Variants in EYS observed in about 807,000 individuals in gnomAD.
EYS encodes protein eyes shut homolog.
In EYS, 250 loss-of-function variants were observed where a neutral mutation model predicts 282.1. That is an observed-to-expected ratio of 0.89 (90% CI 0.80 to 0.98). EYS has a LOEUF of 0.98. EYS is among the 50% of genes least tolerant of loss of function. The pLI, the probability that EYS is intolerant of heterozygous loss-of-function variation, is 0.00. For missense variants in EYS, 4,016 were observed against 3,709.0 expected, an observed-to-expected ratio of 1.08 and a Z score of -2.15; for synonymous variants, 1,355 against 1,282.9, an observed-to-expected ratio of 1.06 and a Z score of -1.20.
chr6:64,640,285 C>T (rs1441877118), intron 22 of EYS, among the ~76,000 whole-genome samples: 1 of 148,998 alleles, frequency 6.7e-6, no homozygotes, highest in Non-Finnish European at 1.5e-5. Flanking sequence ...TTTATTGCGG[C>T]ACTATTCACA....
chr6:64,169,897 A>T (rs973186020), intron 31 of EYS, among the ~76,000 whole-genome samples: 16 of 152,162 alleles, frequency 1.1e-4, no homozygotes, highest in Admixed American at 6.6e-5. Context: ...TGTAAGGAAG[A>T]AGGAATTGAA....
chr6:64,801,033 T>A lies in EYS; in HGVS notation c.3443+12345A>T, dbSNP rs1774531702. On this transcript the variant is annotated intron_variant, in intron 22 of 42. Coordinates refer to ENST00000503581, the MANE Select transcript of EYS (RefSeq NM_001142800.2). ...GTCTTTCTAAATAATGAGAAGTTTA[T>A]CTCATTGTTTCTTTTAACTAATTCT... is the stretch of plus-strand genomic sequence containing the variant. 3.3e-5 allele frequency among the ~76,000 whole-genome samples: 5 copies of A among 152,162 alleles called. No individual in the cohort carries two copies. In the South Asian group the frequency reaches 1.0e-3, roughly 32 times the overall value.
chr6:64,148,300 A>C (rs931684469), intron 31 of EYS, among the ~76,000 whole-genome samples: 9 of 152,128 alleles, frequency 5.9e-5, no homozygotes, highest in African/African-American at 2.2e-4. Flanking sequence ...ATCATTGCTA[A>C]GTTTTGTTAT....
At chr6:64,086,280 A>G (rs1772154555) in intron 31 of EYS, among the ~76,000 whole-genome samples, 1 of 151,968 alleles carries the variant, frequency 6.6e-6, no homozygotes. Context: ...TGCTACCACA[A>G]CCCTTTAAGT....
intron 31 of EYS, among the ~76,000 whole-genome samples, chr6:64,185,022 T>C (rs965622086): frequency 3.3e-5 from 5 of 152,014 alleles, no homozygotes; most frequent in Non-Finnish European, 7.4e-5. Context: ...TCTGTGCCCT[T>C]ATAAAAGAGG....
At chr6:63,844,247 G>A (rs573698012) in intron 36 of EYS, among the ~76,000 whole-genome samples, 42 of 152,156 alleles carry the variant, frequency 2.8e-4, no homozygotes, top group Non-Finnish European at 5.1e-4. Context: ...TCTCTATGCA[G>A]TCTATCATTG....
At chr6:65,574,059 G>A (rs1329116195) in intron 2 of EYS, among the ~76,000 whole-genome samples, 1 of 152,128 alleles carries the variant, frequency 6.6e-6, no homozygotes, top group African/African-American at 2.4e-5. Flanking sequence ...GGCAGTGGGA[G>A]TCCCTGCGCC....
intron 30 of EYS, among the ~76,000 whole-genome samples, chr6:64,268,238 G>A (rs1045029493): frequency 2.0e-5 from 3 of 151,930 alleles, no homozygotes; most frequent in Non-Finnish European, 2.9e-5. Flanking sequence ...AGTAATTATT[G>A]TTAAAAAAGA....
intron 2 of EYS, among the ~76,000 whole-genome samples, chr6:65,638,480 G>A (rs954151751): frequency 5.3e-5 from 8 of 152,194 alleles, no homozygotes; most frequent in African/African-American, 1.7e-4. Context: ...AGACCTAGGG[G>A]CTCCCCGAGC....
chr6:65,434,327 T>TC (rs2150386676), intron 5 of EYS, among the ~76,000 whole-genome samples: 1 of 151,904 alleles, frequency 6.6e-6, no homozygotes, highest in African/African-American at 2.4e-5. Context: ...GCATAATTTT[T>TC]TTTTTTTTTT....
At chr6:65,276,870 C>A (rs1768061851) in intron 12 of EYS, among the ~76,000 whole-genome samples, 1 of 152,068 alleles carries the variant, frequency 6.6e-6, no homozygotes, top group South Asian at 2.1e-4. Context: ...GCATTTCCTT[C>A]TTATTTTGGT....
At chr6:64,837,583 A>G (rs889039065) in intron 19 of EYS, among the ~76,000 whole-genome samples, 2 of 148,684 alleles carry the variant, frequency 1.3e-5, no homozygotes, top group Admixed American at 6.8e-5. Context: ...ATATAATGAT[A>G]TGTATATGAT....
intron 33 of EYS, among the ~76,000 whole-genome samples, chr6:64,013,428 C>T (rs553123246): frequency 1.3e-5 from 2 of 152,258 alleles, no homozygotes; most frequent in Non-Finnish European, 2.9e-5. Context: ...AAATTTGCAT[C>T]CAGAAAGCTT....
At chr6:64,891,694 A>C (rs2150066111) in intron 18 of EYS, among the ~76,000 whole-genome samples, 1 of 152,216 alleles carries the variant, frequency 6.6e-6, no homozygotes, top group East Asian at 1.9e-4. Context: ...GATTTTTATT[A>C]ATGTCCTAAG....
chr6:64,419,361 C>A (rs537437992), intron 28 of EYS, among the ~76,000 whole-genome samples: 1 of 152,070 alleles, frequency 6.6e-6, no homozygotes, highest in African/African-American at 2.4e-5. Context: ...GAGGACACAG[C>A]CAAATCATAT....
chr6:65,130,699 ACTAAGCTTAATAC>A (rs1265406871), intron 12 of EYS, among the ~76,000 whole-genome samples: 1 of 151,658 alleles, frequency 6.6e-6, no homozygotes, highest in Non-Finnish European at 1.5e-5. Flanking sequence ...ACTATTTGGT[ACTAAGCTTAATAC>A]CTAGGTGATA....
At chr6:65,007,017 G>A (rs1186619607) in intron 13 of EYS, among the ~76,000 whole-genome samples, 1 of 152,176 alleles carries the variant, frequency 6.6e-6, no homozygotes, top group African/African-American at 2.4e-5. Context: ...CCAGCTCTAG[G>A]ACTCACCCTG....
intron 33 of EYS, among the ~76,000 whole-genome samples, chr6:64,014,072 A>C (rs944072662): frequency 6.6e-6 from 1 of 152,142 alleles, no homozygotes; most frequent in African/African-American, 2.4e-5. Flanking sequence ...GACTTAAAAC[A>C]TTGATTTCTG....
intron 26 of EYS, among the ~76,000 whole-genome samples, chr6:64,525,652 A>C (rs1250784149): frequency 6.6e-6 from 1 of 151,710 alleles, no homozygotes; most frequent in Non-Finnish European, 1.5e-5. Flanking sequence ...CAAACCTGCA[A>C]GTATACTCCT....
Sources: gnomAD v4.1 joint callset for allele counts (sites outside exome capture counted in the v4.1 genomes callset) on GRCh38, gnomAD v4.1.1 for gene constraint, MANE v1.5 for transcripts, NCBI Gene and HGNC (gene_info 2026-07-23, HGNC 2026-07-21) for gene names.